CDK1: variants seen among roughly 807,000 people sequenced by gnomAD.
The protein encoded by CDK1 is cyclin dependent kinase 1.
Under a neutral mutation model 34.6 loss-of-function variants are expected in CDK1, and 5 were observed. The ratio of observed to expected loss-of-function variants is 0.14; its 90% CI spans 0.08 to 0.30. The LOEUF is 0.30. CDK1 is among the 10% of genes least tolerant of loss of function. The pLI, the probability that CDK1 is intolerant of heterozygous loss-of-function variation, is 1.00. For synonymous variants in CDK1, 108 were observed against 114.7 expected, an observed-to-expected ratio of 0.94 and a Z score of 0.37; for missense variants, 157 against 345.7, an observed-to-expected ratio of 0.45 and a Z score of 4.33.
chr10:60,782,828 T>TAA, intron 2 of CDK1, among the ~76,000 whole-genome samples: 1 of 152,172 alleles, frequency 6.6e-6, no homozygotes. Context: ...TTTGGATGAT[T>TAA]AACCAATAGA....
chr10:60,789,396 A>G (rs903821002), intron 5 of CDK1, among the ~76,000 whole-genome samples: 18 of 152,294 alleles, frequency 1.2e-4, no homozygotes, highest in Middle Eastern at 3.4e-3. Context: ...GTCTTCCTCT[A>G]CTAAGCCCTG....
At chr10:60,780,695 G>T (rs1904415) in intron 2 of CDK1, among the ~76,000 whole-genome samples, 111,444 of 151,980 alleles carry the variant, frequency 0.73, 41,344 homozygotes, top group East Asian at 0.84. Context: ...CTGTCATATA[G>T]ACATGTTTAA....
chr10:60,785,007 G>T (rs575989674), intron 3 of CDK1, 146 bp downstream of exon 3: 4 of 666,340 alleles, frequency 6.0e-6, no homozygotes, highest in African/African-American at 5.5e-5. Context: ...TGAGAATGCC[G>T]CACATATGTA....
At chr10:60,778,788 C>T (rs1052710628) in intron 1 of CDK1, 19 of 152,588 alleles carry the variant, frequency 1.2e-4, no homozygotes, top group African/African-American at 4.1e-4. Context: ...GGAGCCCAGC[C>T]TGGCGGGGTT....
At chr10:60,793,370 G>A (rs1438376584) in intron 7 of CDK1, among the ~76,000 whole-genome samples, 2 of 151,990 alleles carry the variant, frequency 1.3e-5, no homozygotes, top group Admixed American at 1.3e-4. Context: ...TTTCTGGCGC[G>A]TAAACTAACA....
At chr10:60,786,985 A>G (rs2080322126) in intron 4 of CDK1, 5 of 982,222 alleles carry the variant, frequency 5.1e-6, no homozygotes, top group Non-Finnish European at 6.0e-6. Flanking sequence ...CCTGTCTTCC[A>G]CACATACTTT....
chr10:60,785,784 T>A lies in CDK1; in HGVS notation c.315T>A (p.Val105=). 1 of 1,588,880 alleles carries A rather than the reference T, an allele frequency of 6.3e-7. No individual in the cohort carries two copies. Among genetic ancestry groups the A allele is most frequent in the Non-Finnish European group, 8.6e-7 (1 of 1,164,608 alleles). ...GTCAGTACATGGATTCTTCACTTGT[T>A]AAGGTAAAAGCTTAACTAATTTTAT... is the stretch of plus-strand genomic sequence containing the variant. ...PPGQYMDSSL[V]KSYLYQILQG... The change falls in exon 4 of 8, where the codon GTT becomes GTA. Residue 105 remains valine (V), a synonymous_variant. Coordinates refer to ENST00000395284, the MANE Select transcript of CDK1 (RefSeq NM_001786.5).
intron 1 of CDK1, among the ~76,000 whole-genome samples, chr10:60,779,455 A>G (rs193189261): frequency 2.6e-5 from 4 of 152,008 alleles, no homozygotes; most frequent in African/African-American, 9.7e-5. Flanking sequence ...GACATTGTTT[A>G]GGTTATAATT....
rs1234513195 is a variant in CDK1, at chr10:60,791,954, T to C, written c.554T>C (p.Val185Ala). The C allele has an allele frequency of 1.9e-6, 3 of 1,610,650 alleles. No individual in the cohort carries two copies. The highest frequency in any genetic ancestry group is 1.3e-5 in the African/African-American group (1 of 74,822). Reference protein sequence around the residue: ...LLGSARYSTPVDIWSIGTIFA... With the variant: ...LLGSARYSTPADIWSIGTIFA... ...GGGTCAGCTCGTTACTCAACTCCAG[T>C]TGACATTTGGAGTATAGGCACCATA... The change falls in exon 6 of 8, where the codon GTT becomes GCT. Residue 185 changes from valine (V) to alanine (A), a missense_variant. Coordinates refer to ENST00000395284, the MANE Select transcript of CDK1 (RefSeq NM_001786.5).
chr10:60,793,536 C>A (rs2080375930), intron 7 of CDK1, among the ~76,000 whole-genome samples: 1 of 151,980 alleles, frequency 6.6e-6, no homozygotes, highest in Admixed American at 6.6e-5. Flanking sequence ...ACTCAGGTGG[C>A]CGTTTAATTC....
At chr10:60,779,631 C>T (rs549547703) in intron 1 of CDK1, among the ~76,000 whole-genome samples, 1 of 152,152 alleles carries the variant, frequency 6.6e-6, no homozygotes, top group East Asian at 1.9e-4. Flanking sequence ...ACTGTAAACA[C>T]TTAAAATGTT....
At chr10:60,789,671 G>T (rs1485176088) in intron 5 of CDK1, among the ~76,000 whole-genome samples, 3 of 152,150 alleles carry the variant, frequency 2.0e-5, no homozygotes, top group Non-Finnish European at 4.4e-5. Flanking sequence ...GGTCGATTCT[G>T]TATCTTGACT....
rs2080299652 is a variant in CDK1, at chr10:60,784,583, T to C, written c.38-122T>C. 1.5e-5 allele frequency: 11 copies of C among 738,110 alleles called. 1 individual carries two copies. The Middle Eastern group carries it at 1.1e-3, about 76-fold the overall frequency. 45.7% of individuals were successfully genotyped at this position (738,110 alleles called of 1,614,324 possible). ...AGGAGGAGGTTGTAGTGAGCCTTGATTGACCCACTGCACTCCAACCTGGAC... is the reference window on the plus strand; with the variant it reads ...AGGAGGAGGTTGTAGTGAGCCTTGACTGACCCACTGCACTCCAACCTGGAC... On this transcript the variant is annotated intron_variant, in intron 2 of 7. Transcript: ENST00000395284.
chr10:60,791,614 TG>T (rs1256869553), intron 5 of CDK1, among the ~76,000 whole-genome samples: 1 of 152,060 alleles, frequency 6.6e-6, no homozygotes, highest in African/African-American at 2.4e-5. Flanking sequence ...GGTTTTTCAG[TG>T]GGGGGAAGAT....
At chr10:60,784,534 G>A (rs1268792276) in intron 2 of CDK1, among the ~76,000 whole-genome samples, 171 bp from the exon 3 acceptor site, 2 of 152,026 alleles carry the variant, frequency 1.3e-5, no homozygotes, top group African/African-American at 4.8e-5. Flanking sequence ...GGAGGCTGCC[G>A]TGGGAGGATC....
chr10:60,786,220 A>G (rs951741195), intron 4 of CDK1: 81 of 921,808 alleles, frequency 8.8e-5, no homozygotes, highest in Non-Finnish European at 9.8e-5. Flanking sequence ...GAAGTATATA[A>G]AAGTGTCTTA....
intron 1 of CDK1, among the ~76,000 whole-genome samples, chr10:60,778,903 G>C (rs999010371): frequency 6.6e-6 from 1 of 152,196 alleles, no homozygotes; most frequent in Non-Finnish European, 1.5e-5. Flanking sequence ...AGCAAAATCC[G>C]CTCCCCCACG....
chr10:60,787,916 C>G, intron 4 of CDK1, 144 bp from the exon 5 acceptor site: 1 of 452,716 alleles, frequency 2.2e-6, no homozygotes. Context: ...GCTTCCCACC[C>G]ACAAATGCTT....
intron 5 of CDK1, among the ~76,000 whole-genome samples, chr10:60,790,961 C>T (rs2448363): frequency 0.74 from 112,430 of 152,058 alleles, 41,794 homozygotes; most frequent in East Asian, 0.84. Flanking sequence ...TCAGGTGATA[C>T]GATGCCTTCA....
Sources: gnomAD v4.1 joint callset for allele counts (sites outside exome capture counted in the v4.1 genomes callset) on GRCh38, gnomAD v4.1.1 for gene constraint, MANE v1.5 for transcripts, NCBI Gene and HGNC (gene_info 2026-07-23, HGNC 2026-07-21) for gene names.